CDK14: variants seen among roughly 807,000 people sequenced by gnomAD.
The protein encoded by CDK14 is cyclin dependent kinase 14.
In CDK14, 34 loss-of-function variants were observed where a neutral mutation model predicts 60.7. The ratio of observed to expected loss-of-function variants is 0.56; its 90% CI spans 0.43 to 0.75. The LOEUF is 0.75. Ranked by LOEUF, CDK14 falls within the 30% of genes least tolerant of loss-of-function variation. CDK14 has a pLI of 0.00. For missense variants in CDK14, 482 were observed against 564.1 expected, an observed-to-expected ratio of 0.85 and a Z score of 1.47; for synonymous variants, 197 against 203.7, an observed-to-expected ratio of 0.97 and a Z score of 0.28.
At chr7:91,128,146 C>T (rs1377012610) in intron 14 of CDK14, among the ~76,000 whole-genome samples, 6 of 152,092 alleles carry the variant, frequency 3.9e-5, no homozygotes. Flanking sequence ...TTCAAAATGT[C>T]TTTGCCTTGG....
At chr7:90,700,668 T>C (rs1422425432) in intron 2 of CDK14, among the ~76,000 whole-genome samples, 2 of 152,122 alleles carry the variant, frequency 1.3e-5, no homozygotes, top group African/African-American at 2.4e-5. Flanking sequence ...TATACATGCA[T>C]CTCCAACCCC....
intron 14 of CDK14, among the ~76,000 whole-genome samples, chr7:91,173,394 G>A (rs1801593254): frequency 6.6e-6 from 1 of 151,020 alleles, no homozygotes; most frequent in African/African-American, 2.4e-5. Context: ...AGGAATTCAA[G>A]ACCAGCCTGG....
intron 5 of CDK14, among the ~76,000 whole-genome samples, chr7:90,794,457 T>A (rs1001188810): frequency 6.6e-6 from 1 of 152,080 alleles, no homozygotes; most frequent in African/African-American, 2.4e-5. Flanking sequence ...AAGACAGATA[T>A]TCCCTAGGCG....
At chr7:90,620,388 ACT>A (rs931599051) in intron 2 of CDK14, among the ~76,000 whole-genome samples, 16 of 151,830 alleles carry the variant, frequency 1.1e-4, no homozygotes, top group Admixed American at 4.6e-4. Flanking sequence ...TCTAGCTGAA[ACT>A]CTGTGCTCTC....
chr7:90,689,137 T>C (rs1004570487), intron 2 of CDK14, among the ~76,000 whole-genome samples: 3 of 152,262 alleles, frequency 2.0e-5, no homozygotes, highest in South Asian at 2.1e-4. Context: ...GTAGGTATCT[T>C]GAATTCTGGT....
intron 9 of CDK14, among the ~76,000 whole-genome samples, chr7:90,972,423 T>C (rs1794957666): frequency 6.6e-6 from 1 of 152,236 alleles, no homozygotes; most frequent in South Asian, 2.1e-4. Flanking sequence ...TCTTTTAGAA[T>C]ACAGAAAAAG....
chr7:90,717,465 G>A (rs780173729), intron 2 of CDK14, among the ~76,000 whole-genome samples: 1 of 152,092 alleles, frequency 6.6e-6, no homozygotes, highest in Non-Finnish European at 1.5e-5. Flanking sequence ...CACTGAAGCA[G>A]CATAAAGGAA....
At chr7:91,182,474 A>C (rs1380582413) in intron 14 of CDK14, among the ~76,000 whole-genome samples, 1 of 152,066 alleles carries the variant, frequency 6.6e-6, no homozygotes, top group Non-Finnish European at 1.5e-5. Flanking sequence ...TATTCAAAGA[A>C]GTCTACCTCC....
At chr7:90,755,845 A>C (rs1804033531) in intron 4 of CDK14, among the ~76,000 whole-genome samples, 1 of 152,222 alleles carries the variant, frequency 6.6e-6, no homozygotes. Context: ...TATAAAAATT[A>C]CTTGTACTAA....
intron 12 of CDK14, among the ~76,000 whole-genome samples, chr7:91,110,611 C>T (rs1266045709): frequency 6.6e-6 from 1 of 152,144 alleles, no homozygotes. Flanking sequence ...CACCAACTAT[C>T]GCAATCACCT....
intron 12 of CDK14, among the ~76,000 whole-genome samples, chr7:91,094,982 G>A (rs551151635): frequency 5.8e-4 from 88 of 152,174 alleles, no homozygotes; most frequent in African/African-American, 2.0e-3. Context: ...ATCTGTTAGC[G>A]GCCATAAAGA....
intron 5 of CDK14, among the ~76,000 whole-genome samples, chr7:90,857,687 G>C (rs185421711): frequency 8.7e-4 from 133 of 152,344 alleles, no homozygotes; most frequent in African/African-American, 2.9e-3. Flanking sequence ...CATGGAGTAT[G>C]ATTTTGACAG....
At chr7:91,159,205 CA>C (rs1298907278) in intron 14 of CDK14, among the ~76,000 whole-genome samples, 1 of 151,996 alleles carries the variant, frequency 6.6e-6, no homozygotes, top group Non-Finnish European at 1.5e-5. Flanking sequence ...TGTTTTCTAA[CA>C]AAAAACAAAT....
At chr7:91,113,275 C>T (rs1015765841) in intron 13 of CDK14, among the ~76,000 whole-genome samples, 2 of 152,228 alleles carry the variant, frequency 1.3e-5, no homozygotes, top group Admixed American at 6.5e-5. Flanking sequence ...AGACTGAAGA[C>T]ATGTAATTCA....
chr7:90,816,795 A>G (rs987042681), intron 5 of CDK14, among the ~76,000 whole-genome samples: 92 of 152,286 alleles, frequency 6.0e-4, no homozygotes, highest in African/African-American at 2.1e-3. Context: ...TGAGGTGATA[A>G]CCATTTATCC....
chr7:90,770,886 C>G (rs1173702346), intron 4 of CDK14, among the ~76,000 whole-genome samples: 1 of 152,168 alleles, frequency 6.6e-6, no homozygotes, highest in East Asian at 1.9e-4. Context: ...TCCTCCAGGC[C>G]CTCTTCTTAA....
chr7:91,031,414 G>GA (rs914871937), intron 10 of CDK14, among the ~76,000 whole-genome samples: 12 of 149,988 alleles, frequency 8.0e-5, no homozygotes, highest in South Asian at 4.2e-4. Flanking sequence ...AATGTTAAGT[G>GA]AAAAAAAAAT....
intron 2 of CDK14, among the ~76,000 whole-genome samples, chr7:90,717,003 G>T (rs1012100466): frequency 1.8e-4 from 28 of 152,002 alleles, no homozygotes; most frequent in African/African-American, 6.3e-4. Context: ...AGCAGCAAGG[G>T]GTTAACTTTT....
intron 4 of CDK14, among the ~76,000 whole-genome samples, chr7:90,775,889 TATTATATGGTACATGTGGC>T (rs1005264600): frequency 2.6e-5 from 4 of 151,670 alleles, no homozygotes; most frequent in African/African-American, 4.8e-5. Context: ...TGTATGTGGG[TATTATATGGTACATGTGGC>T]ATTATATGGT....
Sources: gnomAD v4.1 joint callset for allele counts (sites outside exome capture counted in the v4.1 genomes callset) on GRCh38, gnomAD v4.1.1 for gene constraint, MANE v1.5 for transcripts, NCBI Gene and HGNC (gene_info 2026-07-23, HGNC 2026-07-21) for gene names.